Variants in CSMD2 observed in about 807,000 individuals in gnomAD.
CSMD2 encodes the protein CUB and sushi domain-containing protein 2.
A neutral mutation model predicts 398.5 loss-of-function variants in CSMD2; 130 were observed. That is an observed-to-expected ratio of 0.33 (90% CI 0.28 to 0.38). The LOEUF is 0.38. CSMD2 is among the 10% of genes least tolerant of loss of function. The pLI, the probability that CSMD2 is intolerant of heterozygous loss-of-function variation, is 1.00. For missense variants in CSMD2, 3,829 were observed against 4,764.9 expected, an observed-to-expected ratio of 0.80 and a Z score of 5.78; for synonymous variants, 1,828 against 1,908.5, an observed-to-expected ratio of 0.96 and a Z score of 1.10.
At position 34,077,995 on chromosome 1, in the gene CSMD2, A is replaced by C. The variant is rs2625687; in HGVS notation, c.404+10982T>G. On this transcript the variant is annotated intron_variant, in intron 2 of 70. Coordinates refer to ENST00000373381, the MANE Select transcript of CSMD2 (RefSeq NM_001281956.2). Reference sequence around the variant, plus strand: ...TAATTGCAAAACTTGTACTCATGAAATTTTTTTTTATTTTTATTTTTCAGA... The same window carrying C: ...TAATTGCAAAACTTGTACTCATGAACTTTTTTTTTATTTTTATTTTTCAGA... Among the ~76,000 whole-genome samples, 66 of 151,644 alleles carry C rather than the reference A, an allele frequency of 4.4e-4. 2 individuals are homozygous for C. Among genetic ancestry groups the C allele is most frequent in the African/African-American group, 1.6e-3 (64 of 41,228 alleles).
chr1:34,024,651 G>T (rs1242441672), intron 3 of CSMD2, among the ~76,000 whole-genome samples: 1 of 152,182 alleles, frequency 6.6e-6, no homozygotes, highest in African/African-American at 2.4e-5. Flanking sequence ...AATGGAACAG[G>T]TTCACTCAGG....
Position 34,048,696 on chromosome 1 carries a change from C to T in CSMD2, c.405-15990G>A, listed in dbSNP as rs946962016. Reference sequence around the variant, plus strand: ...GGCCGCCAGAGCTGGTTTTGAGCACCGCACCTGGTTTGAAAGATTAGGTCT... The same window carrying T: ...GGCCGCCAGAGCTGGTTTTGAGCACTGCACCTGGTTTGAAAGATTAGGTCT... On this transcript the variant is annotated intron_variant, in intron 2 of 70. Coordinates refer to ENST00000373381, the MANE Select transcript of CSMD2 (RefSeq NM_001281956.2). Among the ~76,000 whole-genome samples the T allele has an allele frequency of 3.9e-5, 6 of 152,250 alleles. No individual in the cohort carries two copies. The East Asian group carries it at 5.8e-4, about 15-fold the overall frequency.
At chr1:34,077,820 C>T (rs1656609503) in intron 2 of CSMD2, among the ~76,000 whole-genome samples, 1 of 148,294 alleles carries the variant, frequency 6.7e-6, no homozygotes, top group Non-Finnish European at 1.5e-5. Flanking sequence ...GGTTGAAAAA[C>T]TGCCTATTGT....
chr1:33,770,842 G>A (rs927839346), intron 13 of CSMD2, among the ~76,000 whole-genome samples: 2 of 152,178 alleles, frequency 1.3e-5, no homozygotes, highest in African/African-American at 4.8e-5. Context: ...CTCACTGGAG[G>A]CTGCCGGCCC....
chr1:33,558,570 T>C (rs754194588), intron 54 of CSMD2, among the ~76,000 whole-genome samples: 6 of 152,194 alleles, frequency 3.9e-5, no homozygotes, highest in African/African-American at 9.6e-5. Context: ...AAACTTATCA[T>C]ATGAAGTGGG....
At chr1:33,889,447 T>C (rs1399809181) in intron 5 of CSMD2, among the ~76,000 whole-genome samples, 4 of 152,128 alleles carry the variant, frequency 2.6e-5, no homozygotes, top group Admixed American at 6.5e-5. Flanking sequence ...AAACATGAAA[T>C]TGGCACAGTC....
At chr1:33,626,308 G>A (rs1642125490) in intron 33 of CSMD2, among the ~76,000 whole-genome samples, 178 bp downstream of exon 33, 1 of 152,226 alleles carries the variant, frequency 6.6e-6, no homozygotes, top group South Asian at 2.1e-4. Flanking sequence ...TGTCTGCTGA[G>A]TAAGTGAATG....
intron 1 of CSMD2, among the ~76,000 whole-genome samples, chr1:34,148,960 A>G (rs1640037056): frequency 6.6e-6 from 1 of 152,202 alleles, no homozygotes. Flanking sequence ...TCAGAAGCCA[A>G]GGGTCTAGTG....
intron 5 of CSMD2, among the ~76,000 whole-genome samples, chr1:33,900,100 T>C (rs1018056945): frequency 5.3e-5 from 8 of 152,190 alleles, no homozygotes; most frequent in African/African-American, 1.9e-4. Flanking sequence ...CCAGGTGCTG[T>C]AACCATGAAA....
intron 3 of CSMD2, among the ~76,000 whole-genome samples, chr1:34,007,651 T>C (rs1258637794): frequency 6.6e-6 from 1 of 152,232 alleles, no homozygotes; most frequent in Non-Finnish European, 1.5e-5. Context: ...ATAGGAATGT[T>C]TCACGACAGC....
intron 3 of CSMD2, among the ~76,000 whole-genome samples, chr1:34,000,546 C>G (rs1646868286): frequency 6.6e-6 from 1 of 152,100 alleles, no homozygotes; most frequent in African/African-American, 2.4e-5. Context: ...TTTCCCAGGC[C>G]CCAGAGTTCT....
chr1:33,977,099 G>T (rs1279995025), intron 3 of CSMD2, among the ~76,000 whole-genome samples: 1 of 152,016 alleles, frequency 6.6e-6, no homozygotes, highest in Non-Finnish European at 1.5e-5. Context: ...AAGTTAGCAA[G>T]AAAGGATGGA....
At chr1:33,816,581 A>C (rs1329393401) in intron 9 of CSMD2, among the ~76,000 whole-genome samples, 4 of 152,202 alleles carry the variant, frequency 2.6e-5, no homozygotes, top group Admixed American at 1.3e-4. Flanking sequence ...ATAAGTCTGA[A>C]AAGCTCTATA....
At chr1:33,932,023 G>A (rs1235420497) in intron 4 of CSMD2, among the ~76,000 whole-genome samples, 1 of 152,162 alleles carries the variant, frequency 6.6e-6, no homozygotes, top group Non-Finnish European at 1.5e-5. Flanking sequence ...AGGGACATGG[G>A]GGCCGATGAT....
intron 64 of CSMD2, among the ~76,000 whole-genome samples, chr1:33,528,517 G>A (rs976597494): frequency 1.3e-5 from 2 of 152,218 alleles, no homozygotes; most frequent in Non-Finnish European, 2.9e-5. Context: ...CAATGCAAGT[G>A]TACTTCTGAA....
At chr1:33,969,838 C>A (rs911105406) in intron 3 of CSMD2, among the ~76,000 whole-genome samples, 1 of 152,018 alleles carries the variant, frequency 6.6e-6, no homozygotes, top group East Asian at 1.9e-4. Flanking sequence ...TTCAGCCGGG[C>A]GTGGTGGCTC....
intron 5 of CSMD2, chr1:33,863,739 CTGAAAATCGTATAG>C (rs1639726158): frequency 6.3e-6 from 1 of 157,940 alleles, no homozygotes; most frequent in Admixed American, 6.2e-5. Context: ...ATGAGGCATC[CTGAAAATCGTATAG>C]TGAGGAAGGC....
At chr1:33,906,835 T>C (rs1259459766) in intron 5 of CSMD2, among the ~76,000 whole-genome samples, 1 of 151,994 alleles carries the variant, frequency 6.6e-6, no homozygotes, top group Non-Finnish European at 1.5e-5. Context: ...CAGGTAAGAC[T>C]ACCCTGGGAG....
At chr1:33,788,171 G>T (rs1038837854) in intron 12 of CSMD2, among the ~76,000 whole-genome samples, 1 of 152,040 alleles carries the variant, frequency 6.6e-6, no homozygotes, top group African/African-American at 2.4e-5. Context: ...TCAGAGAAGT[G>T]GAATAACATG....
Sources: gnomAD v4.1 joint callset for allele counts (sites outside exome capture counted in the v4.1 genomes callset) on GRCh38, gnomAD v4.1.1 for gene constraint, MANE v1.5 for transcripts, NCBI Gene and HGNC (gene_info 2026-07-23, HGNC 2026-07-21) for gene names.